Variants in BICC1 observed in about 807,000 individuals in gnomAD.
BICC1 encodes the protein BicC family RNA binding protein 1, also known as protein bicaudal C homolog 1.
Under a neutral mutation model 111.0 loss-of-function variants are expected in BICC1, and 43 were observed. That is an observed-to-expected ratio of 0.39 (90% CI 0.30 to 0.50). The LOEUF (loss-of-function observed/expected upper bound fraction) is 0.50, where lower values mean the gene tolerates loss of function less well. BICC1 is among the 20% of genes least tolerant of loss of function. The pLI is 0.88. For synonymous variants in BICC1, 467 were observed against 434.4 expected, an observed-to-expected ratio of 1.07 and a Z score of -0.93; for missense variants, 1,091 against 1,203.2, an observed-to-expected ratio of 0.91 and a Z score of 1.38.
At chr10:58,518,121 T>C (rs934521306) in intron 1 of BICC1, among the ~76,000 whole-genome samples, 2 of 152,166 alleles carry the variant, frequency 1.3e-5, no homozygotes, top group Non-Finnish European at 2.9e-5. Flanking sequence ...CGAGAGGGCT[T>C]TTCACCCTTT....
At chr10:58,813,181 T>C (rs1285980191) in intron 17 of BICC1, among the ~76,000 whole-genome samples, 1 of 152,196 alleles carries the variant, frequency 6.6e-6, no homozygotes, top group African/African-American at 2.4e-5. Context: ...CTCTAGGTAA[T>C]AGTAGGGTGT....
At chr10:58,548,161 C>T (rs1403428761) in intron 1 of BICC1, among the ~76,000 whole-genome samples, 5 of 152,220 alleles carry the variant, frequency 3.3e-5, no homozygotes, top group African/African-American at 1.2e-4. Flanking sequence ...TACCACATGG[C>T]TCATTGGAGT....
chr10:58,801,105 C>T, intron 14 of BICC1, 59 bp downstream of exon 14: 1 of 1,439,054 alleles, frequency 6.9e-7, no homozygotes, highest in Non-Finnish European at 9.3e-7. Context: ...TATTTGTTCT[C>T]AACTCTATAG....
intron 8 of BICC1, among the ~76,000 whole-genome samples, chr10:58,790,894 C>T (rs1254122391): frequency 6.6e-6 from 1 of 152,210 alleles, no homozygotes; most frequent in African/African-American, 2.4e-5. Context: ...GCTGGGCTTA[C>T]AAATATTTGT....
intron 19 of BICC1, 25 bp downstream of exon 19, chr10:58,817,747 G>A: frequency 6.3e-7 from 1 of 1,582,164 alleles, no homozygotes; most frequent in African/African-American, 1.4e-5. Context: ...ATTTTCCCAA[G>A]TATCTTTGTT....
chr10:58,817,822 G>T (rs1372422442), intron 19 of BICC1, 100 bp downstream of exon 19: 12 of 1,207,004 alleles, frequency 9.9e-6, no homozygotes, highest in Middle Eastern at 4.0e-4. Flanking sequence ...TGCTTTCACT[G>T]AGCATTTATT....
chr10:58,678,042 G>A (rs1252484485), intron 2 of BICC1, among the ~76,000 whole-genome samples: 1 of 152,144 alleles, frequency 6.6e-6, no homozygotes, highest in Non-Finnish European at 1.5e-5. Context: ...CCTGAAGGAA[G>A]CACTAAATAT....
intron 2 of BICC1, among the ~76,000 whole-genome samples, chr10:58,655,858 A>G (rs1403855786): frequency 6.6e-6 from 1 of 151,540 alleles, no homozygotes; most frequent in Non-Finnish European, 1.5e-5. Context: ...AATATGTCCC[A>G]TCAATGCCTA....
intron 3 of BICC1, among the ~76,000 whole-genome samples, chr10:58,710,064 G>C (rs1417954368): frequency 2.0e-5 from 3 of 152,156 alleles, no homozygotes; most frequent in Non-Finnish European, 4.4e-5. Context: ...ACCTCCTGGG[G>C]TCAGGCACTG....
At chr10:58,745,609 C>CCA (rs1215360559) in intron 3 of BICC1, among the ~76,000 whole-genome samples, 5 of 130,794 alleles carry the variant, frequency 3.8e-5, no homozygotes, top group South Asian at 3.2e-4. Context: ...ACCGCCCCCC[C>CCA]CCCACATTTT....
intron 2 of BICC1, among the ~76,000 whole-genome samples, chr10:58,654,648 T>C (rs925167798): frequency 1.2e-5 from 1 of 81,762 alleles, no homozygotes; most frequent in Non-Finnish European, 2.6e-5. Flanking sequence ...TTCACTCTGA[T>C]AGTAGTTTCT....
At chr10:58,597,634 C>T (rs1317088960) in intron 1 of BICC1, among the ~76,000 whole-genome samples, 1 of 152,046 alleles carries the variant, frequency 6.6e-6, no homozygotes, top group Non-Finnish European at 1.5e-5. Flanking sequence ...GTATCTCAGT[C>T]CTTATCTCAA....
At chr10:58,642,922 G>T (rs894410792) in intron 2 of BICC1, among the ~76,000 whole-genome samples, 1 of 151,978 alleles carries the variant, frequency 6.6e-6, no homozygotes, top group Non-Finnish European at 1.5e-5. Flanking sequence ...CAGGCCAGTC[G>T]CAAACTCCTT....
intron 1 of BICC1, among the ~76,000 whole-genome samples, chr10:58,530,811 G>A (rs1842663798): frequency 6.6e-6 from 1 of 151,594 alleles, no homozygotes; most frequent in African/African-American, 2.4e-5. Flanking sequence ...AATGCTTTAT[G>A]AGATTACAAA....
chr10:58,527,276 T>A (rs957208818), intron 1 of BICC1, among the ~76,000 whole-genome samples: 2 of 151,512 alleles, frequency 1.3e-5, no homozygotes, highest in African/African-American at 4.8e-5. Flanking sequence ...GGGGTTGATT[T>A]TTTCCTGTAA....
chr10:58,648,798 T>G (rs1838351638), intron 2 of BICC1: 6 of 387,590 alleles, frequency 1.5e-5, no homozygotes, highest in Non-Finnish European at 2.1e-5. Context: ...CTTTCTGCTT[T>G]TTCATTTTCT....
chr10:58,778,899 T>A (rs11006258), intron 3 of BICC1, among the ~76,000 whole-genome samples: 46,467 of 152,110 alleles, frequency 0.31, 7,349 homozygotes, highest in East Asian at 0.46. Context: ...TGAAATAATC[T>A]GGAATCCATC....
Position 58,661,359 on chromosome 10 carries a change from C to T in BICC1, c.237+40458C>T, listed in dbSNP as rs141592489. Among the ~76,000 whole-genome samples the T allele has an allele frequency of 7.7e-4, 117 of 152,054 alleles. 1 individual carries two copies. The East Asian group carries it at 0.018, about 24-fold the overall frequency. ...GGCATTTTAAAGGCATCAGGCATCC[C>T]CTAGCCTAACCCCACCTCCTTTAGG... On this transcript the variant is annotated intron_variant, in intron 2 of 20. Coordinates refer to ENST00000373886, the MANE Select transcript of BICC1 (RefSeq NM_001080512.3).
At chr10:58,790,458 GTTATATA>G (rs1843143273) in intron 8 of BICC1, among the ~76,000 whole-genome samples, 2 of 152,110 alleles carry the variant, frequency 1.3e-5, no homozygotes, top group African/African-American at 4.8e-5. Flanking sequence ...GAAAAGCAAA[GTTATATA>G]TTATAATTCA....
Sources: gnomAD v4.1 joint callset for allele counts (sites outside exome capture counted in the v4.1 genomes callset) on GRCh38, gnomAD v4.1.1 for gene constraint, MANE v1.5 for transcripts, NCBI Gene and HGNC (gene_info 2026-07-23, HGNC 2026-07-21) for gene names.